Variants in ARRDC4 observed in about 807,000 individuals in gnomAD.
ARRDC4 encodes the protein arrestin domain-containing protein 4.
Under a neutral mutation model 44.6 loss-of-function variants are expected in ARRDC4, and 40 were observed. The ratio of observed to expected loss-of-function variants is 0.90; its 90% confidence interval spans 0.70 to 1.17. The LOEUF is 1.17. Ranked by LOEUF, ARRDC4 falls within the 50% of genes most tolerant of loss-of-function variation. The pLI, the probability that ARRDC4 is intolerant of heterozygous loss-of-function variation, is 0.00. For synonymous variants in ARRDC4, 211 were observed against 221.2 expected (o/e 0.95, Z 0.41); for missense variants, 550 against 559.1 (o/e 0.98, Z 0.16).
At chr15:97,962,393 G>A (rs1438137194) in intron 1 of ARRDC4, among the ~76,000 whole-genome samples, 1 of 152,146 alleles carries the variant, frequency 6.6e-6, no homozygotes, top group Non-Finnish European at 1.5e-5. Context: ...AGGCCCCAGT[G>A]GAAGCAGACA....
rs1330500282 is a variant in ARRDC4, at chr15:97,960,830, A to T, written c.-32A>T. ...CGACCCCGGCTCCGGGCCTCTGCCG[A>T]CCTCAGGGGCAGGAAAGAGTCGCCC... On this transcript the variant is annotated 5_prime_UTR_variant, in exon 1 of 8. Transcript: ENST00000268042. 15 of 1,279,548 alleles carry T rather than the reference A, an allele frequency of 1.2e-5. No individual in the cohort carries two copies. The South Asian group carries it at 3.7e-4, about 32-fold the overall frequency. The allele number at this position is 1,279,548 out of a possible 1,614,324, so 79.3% of individuals were successfully genotyped here.
intron 1 of ARRDC4, among the ~76,000 whole-genome samples, chr15:97,961,728 TAGTAAG>T (rs1028394061): frequency 6.6e-6 from 1 of 152,172 alleles, no homozygotes; most frequent in Admixed American, 6.5e-5. Flanking sequence ...CAGGGCAACT[TAGTAAG>T]AGTTGTACCT....
Position 97,970,442 on chromosome 15 carries a change from G to C in ARRDC4, c.1046-147G>C. ...ATAAAAGGAGAATCTATTTTTTATT[G>C]TAATATGCATAAAACCTTGCTGATT... On this transcript the variant is annotated intron_variant, in intron 6 of 7. Coordinates refer to ENST00000268042, the MANE Select transcript of ARRDC4 (RefSeq NM_183376.3). This position sits in a 1 kb window ranked among gnomAD's most constrained non-coding sequence, Gnocchi z 4.2. 2.7e-6 allele frequency: 2 copies of C among 744,084 alleles called. No individual in the cohort carries two copies. Among genetic ancestry groups the C allele is most frequent in the Non-Finnish European group, 2.1e-6 (1 of 475,910 alleles). 46.1% of individuals were successfully genotyped at this position (744,084 alleles called of 1,614,324 possible).
At chr15:97,969,783 G>A (rs1436628312) in intron 5 of ARRDC4, 100 bp from the exon 6 acceptor site, 2 of 1,123,634 alleles carry the variant, frequency 1.8e-6, no homozygotes, top group African/African-American at 3.1e-5. Flanking sequence ...GCCGACAAAA[G>A]CATTTGTTTC....
At position 97,965,612 on chromosome 15, in the gene ARRDC4, T is replaced by C. The variant is rs1899403981; in HGVS notation, c.320T>C (p.Ile107Thr). The C allele has an allele frequency of 7.4e-6, 12 of 1,611,742 alleles. No individual in the cohort carries two copies. Among genetic ancestry groups the C allele is most frequent in the South Asian group, 1.1e-5 (1 of 91,022 alleles). ...LREPPAGEGIILLQPGKHEFP... is the reference protein window; with the variant it reads ...LREPPAGEGITLLQPGKHEFP... ...CAATCTCTTATAGGTGAAGGCATCA[T>C]TTTATTACAGCCTGGAAAACATGAA... The change falls in exon 2 of 8, where the codon ATT becomes ACT. Residue 107 changes from isoleucine (I) to threonine (T), a missense_variant. By Grantham distance (89) the Ile-to-Thr change is moderately conservative (BLOSUM62 -1). Coordinates refer to ENST00000268042, the MANE Select transcript of ARRDC4 (RefSeq NM_183376.3). This position sits in a 1 kb window ranked among gnomAD's most constrained non-coding sequence, Gnocchi z 5.1.
chr15:97,969,023 A>C, intron 4 of ARRDC4, 100 bp from the exon 5 acceptor site: 2 of 1,248,060 alleles, frequency 1.6e-6, no homozygotes, highest in Non-Finnish European at 2.2e-6. Flanking sequence ...TCAATTTGTT[A>C]AAGTGATGTT....
Position 97,965,813 on chromosome 15 carries a change from C to G in ARRDC4, c.375-82C>G. On this transcript the variant is annotated intron_variant, in intron 2 of 7. Coordinates refer to ENST00000268042, the MANE Select transcript of ARRDC4 (RefSeq NM_183376.3). This position sits in a 1 kb window ranked among gnomAD's most constrained non-coding sequence, Gnocchi z 5.1. ...GACTTACTCTTTTTTTATTTCCAAC[C>G]TAAAACATTTTAAACCATGCTTTTT... 2.6e-6 allele frequency: 4 copies of G among 1,551,126 alleles called. No homozygotes were observed. Among genetic ancestry groups the G allele is most frequent in the Non-Finnish European group, 3.5e-6 (4 of 1,135,224 alleles).
chr15:97,968,180 G>A lies in ARRDC4; in HGVS notation c.625+64G>A. 9.2e-7 allele frequency: 1 copy of A among 1,086,038 alleles called. No individual in the cohort carries two copies. Among genetic ancestry groups the A allele is most frequent in the Non-Finnish European group, 1.3e-6 (1 of 766,608 alleles). 67.3% of individuals were successfully genotyped at this position (1,086,038 alleles called of 1,614,324 possible). A position where few individuals can be genotyped will look rare whatever the true frequency, so the allele number is the denominator to read the frequency against. On this transcript the variant is annotated intron_variant, in intron 4 of 7. Transcript: ENST00000268042. This position sits in a 1 kb window ranked among gnomAD's most constrained non-coding sequence, Gnocchi z 5.4. The stretch of plus-strand genomic sequence containing the variant: ...TTCATTTTCTTAGCTAATTTTAAGT[G>A]ATTTTAAATAGTGTTTTTTGTAATT...
In ARRDC4 at chr15:97,968,143, T is replaced by C; in HGVS notation, c.625+27T>C. 1 of 1,414,382 alleles carries C rather than the reference T, an allele frequency of 7.1e-7. No individual in the cohort carries two copies. Among genetic ancestry groups the C allele is most frequent in the Non-Finnish European group, 9.6e-7 (1 of 1,039,742 alleles). The allele number at this position is 1,414,382 out of a possible 1,614,324, so 87.6% of individuals were successfully genotyped here. On this transcript the variant is annotated intron_variant, in intron 4 of 7. Transcript: ENST00000268042. The surrounding 1 kb of genome is among the most constrained non-coding windows in gnomAD (Gnocchi z 5.4). ...TAAGCAAAATGCTTGAAAGTCCAAA[T>C]GAAAGATTTCATTCATTTTCTTAGC...
rs534032782 is a variant in ARRDC4, at chr15:97,972,349, G to A, written c.*1162G>A. On this transcript the variant is annotated 3_prime_UTR_variant, in exon 8 of 8. Transcript: ENST00000268042. The surrounding 1 kb of genome is among the most constrained non-coding windows in gnomAD (Gnocchi z 5.3). ...AAGAGACCTAGGTCTACTGATGGCA[G>A]TCACTGCATTGTACATTATTCCAGT... The A allele has an allele frequency of 6.5e-6, 1 of 152,762 alleles. No homozygotes were observed. Among genetic ancestry groups the A allele is most frequent in the East Asian group, 1.9e-4 (1 of 5,184 alleles). 9.5% of individuals were successfully genotyped at this position (152,762 alleles called of 1,614,324 possible). A position where few individuals can be genotyped will look rare whatever the true frequency, so the allele number is the denominator to read the frequency against.
In ARRDC4 at chr15:97,973,344, CTG is replaced by C; in HGVS notation, c.*2159_*2160del. 1 of 152,674 alleles carries C rather than the reference CTG, an allele frequency of 6.5e-6. No individual in the cohort carries two copies. The highest frequency in any genetic ancestry group is 2.4e-5 in the African/African-American group (1 of 41,562). The allele number at this position is 152,674 out of a possible 1,614,324, so 9.5% of individuals were successfully genotyped here. On this transcript the variant is annotated 3_prime_UTR_variant, in exon 8 of 8. Transcript: ENST00000268042. ...CTGTGAAATTGAAGTGAAACTATCTCTGTAGGACTTAAGAGAATAGCTAAAAG... is the reference window on the plus strand; with the variant it reads ...CTGTGAAATTGAAGTGAAACTATCTCTAGGACTTAAGAGAATAGCTAAAAG...
intron 5 of ARRDC4, 129 bp downstream of exon 5, chr15:97,969,508 T>TA (rs1334089444): frequency 9.6e-7 from 1 of 1,046,774 alleles, no homozygotes; most frequent in Admixed American, 2.6e-5. Flanking sequence ...TTGGGGACTG[T>TA]ATGAAGATTG....
rs746726598 is a variant in ARRDC4 at position 97,970,796 on chromosome 15, A to AT, written c.1200+59dup. 1.0e-4 allele frequency: 157 copies of AT among 1,551,110 alleles called. No individual in the cohort carries two copies. The highest frequency in any genetic ancestry group is 1.3e-4 in the Non-Finnish European group (148 of 1,134,750). On this transcript the variant is annotated intron_variant, in intron 7 of 7. Coordinates refer to ENST00000268042, the MANE Select transcript of ARRDC4 (RefSeq NM_183376.3). The surrounding 1 kb of genome is among the most constrained non-coding windows in gnomAD (Gnocchi z 4.2). ...TTTACTGTATTATTTTCAAATAATCATTTTTTGTCATCCGTTCATTAGAGT... is the reference window on the plus strand; with the variant it reads ...TTTACTGTATTATTTTCAAATAATCATTTTTTTGTCATCCGTTCATTAGAGT...
chr15:97,967,926 C>A lies in ARRDC4; in HGVS notation c.523-88C>A. ...CATTTTTTTGGTATTTCCTTACAAC[C>A]ATTCTGTGAAGATAGATATAATTTT... On this transcript the variant is annotated intron_variant, in intron 3 of 7. Coordinates refer to ENST00000268042, the MANE Select transcript of ARRDC4 (RefSeq NM_183376.3). This position sits in a 1 kb window ranked among gnomAD's most constrained non-coding sequence, Gnocchi z 5.0. 1.3e-6 allele frequency: 1 copy of A among 798,522 alleles called. No individual in the cohort carries two copies. Among genetic ancestry groups the A allele is most frequent in the South Asian group, 2.5e-5 (1 of 40,442 alleles). The allele number at this position is 798,522 out of a possible 1,614,324, so 49.5% of individuals were successfully genotyped here. A position where few individuals can be genotyped will look rare whatever the true frequency, so the allele number is the denominator to read the frequency against.
At chr15:97,969,453 A>C in intron 5 of ARRDC4, 74 bp downstream of exon 5, 1 of 1,511,176 alleles carries the variant, frequency 6.6e-7, no homozygotes, top group Non-Finnish European at 9.0e-7. Context: ...GTGGGTATGT[A>C]GAGTTGCCTA....
rs1390364809 is a variant in ARRDC4 at position 97,972,070 on chromosome 15, TA to T, written c.*885del. ...CAGTCCCAAATAAAAGGCCTTTTTC[TA>T]ACCTACCTCTAATGGGGTTATCAGA... On this transcript the variant is annotated 3_prime_UTR_variant, in exon 8 of 8. Transcript: ENST00000268042. The surrounding 1 kb of genome is among the most constrained non-coding windows in gnomAD (Gnocchi z 5.3). The T allele has an allele frequency of 1.3e-5, 2 of 152,540 alleles. No individual in the cohort carries two copies. The highest frequency in any genetic ancestry group is 2.9e-5 in the Non-Finnish European group (2 of 68,032). The allele number at this position is 152,540 out of a possible 1,614,324, so 9.4% of individuals were successfully genotyped here. A position where few individuals can be genotyped will look rare whatever the true frequency, so the allele number is the denominator to read the frequency against.
rs200944490 is a variant in ARRDC4, at chr15:97,960,934, G to A, written c.73G>A (p.Glu25Lys). 4 of 1,466,612 alleles carry A rather than the reference G, an allele frequency of 2.7e-6. No individual in the cohort carries two copies. The African/African-American group carries it at 4.4e-5, about 16-fold the overall frequency. 90.8% of individuals were successfully genotyped at this position (1,466,612 alleles called of 1,614,324 possible). A position where few individuals can be genotyped will look rare whatever the true frequency, so the allele number is the denominator to read the frequency against. Residue 25 changes from glutamate to lysine, a missense_variant, in exon 1 of 8, where the codon GAG (glutamate) becomes AAG (lysine). Physicochemically the swap from Glu to Lys is moderately conservative, Grantham distance 56. Transcript: ENST00000268042. ...CGTGAAGAGCCTGGGTCTGGTGTTCGAGGACGAGCGCAAGGGCTGCTATTC... is the reference window on the plus strand; with the variant it reads ...CGTGAAGAGCCTGGGTCTGGTGTTCAAGGACGAGCGCAAGGGCTGCTATTC... ...GRVKSLGLVF[E>K]DERKGCYSSG... is the part of the protein sequence containing the mutation.
chr15:97,973,689 C>T lies in ARRDC4; in HGVS notation c.*2502C>T, dbSNP rs544833048. On this transcript the variant is annotated 3_prime_UTR_variant, in exon 8 of 8. Transcript: ENST00000268042. ...TGCACAGTAAGAAACAATAGGCAAGCGTTATGTTTTTGGTAAGTTAACTAT... is the reference window on the plus strand; with the variant it reads ...TGCACAGTAAGAAACAATAGGCAAGTGTTATGTTTTTGGTAAGTTAACTAT... The T allele has an allele frequency of 2.6e-5, 4 of 152,420 alleles. No homozygotes were observed. Among genetic ancestry groups the T allele is most frequent in the South Asian group, 4.2e-4 (2 of 4,806 alleles). The allele number at this position is 152,420 out of a possible 1,614,324, so 9.4% of individuals were successfully genotyped here.
chr15:97,961,678 C>T (rs1899324220), intron 1 of ARRDC4, among the ~76,000 whole-genome samples: 1 of 152,158 alleles, frequency 6.6e-6, no homozygotes, highest in African/African-American at 2.4e-5. Context: ...AAGTGTTTTC[C>T]AGACTTGATC....
Sources: gnomAD v4.1 joint callset for allele counts (sites outside exome capture counted in the v4.1 genomes callset) on GRCh38, gnomAD v4.1.1 for gene constraint, Gnocchi (gnomAD v3.1) non-coding constraint, MANE v1.5 for transcripts, NCBI Gene and HGNC (gene_info 2026-07-23, HGNC 2026-07-21) for gene names.